FAR1: variants seen among roughly 807,000 people sequenced by gnomAD.
FAR1 encodes the protein male sterility domain-containing protein 2.
A neutral mutation model predicts 61.1 loss-of-function variants in FAR1; 22 were observed. The observed-to-expected ratio is 0.36, with a 90% CI of 0.26 to 0.51. The LOEUF is 0.51. Among genes scored for constraint, FAR1 ranks in the 20% least tolerant of loss-of-function variants. The pLI is 0.95. For synonymous variants in FAR1, 206 were observed against 209.7 expected, an observed-to-expected ratio of 0.98 and a Z score of 0.15; for missense variants, 359 against 626.9, an observed-to-expected ratio of 0.57 and a Z score of 4.56.
intron 1 of FAR1, among the ~76,000 whole-genome samples, chr11:13,671,144 C>T (rs1259139703): frequency 1.3e-5 from 2 of 152,116 alleles, no homozygotes; most frequent in Non-Finnish European, 2.9e-5. Flanking sequence ...AGGCGACTTG[C>T]AGTAGAGAAG....
chr11:13,669,589 T>G (rs1331905440), intron 1 of FAR1: 2 of 152,230 alleles, frequency 1.3e-5, no homozygotes, highest in African/African-American at 4.8e-5. Flanking sequence ...TATGAGTAGT[T>G]GAGCAAGAAC....
chr11:13,708,447 G>GCGCACGCA (rs139902063), intron 4 of FAR1, among the ~76,000 whole-genome samples: 4 of 136,700 alleles, frequency 2.9e-5, no homozygotes, highest in Non-Finnish European at 4.7e-5. Flanking sequence ...GCGCGCGCGC[G>GCGCACGCA]CACACACACA....
At position 13,727,546 on chromosome 11, in the gene FAR1, G is replaced by T; in HGVS notation, c.1258-10G>T. The T allele has an allele frequency of 1.3e-6, 2 of 1,570,182 alleles. No individual in the cohort carries two copies. Among genetic ancestry groups the T allele is most frequent in the African/African-American group, 1.4e-5 (1 of 72,136 alleles). ...CAAGAAAATAATCAGTAATTTTTTT[G>T]TTAACGTAGACCTTCAATATTGATG... is the stretch of plus-strand genomic sequence containing the variant. On this transcript the variant is annotated splice_polypyrimidine_tract_variant and intron_variant, in intron 10 of 11. Coordinates refer to ENST00000354817, the MANE Select transcript of FAR1 (RefSeq NM_032228.6).
At chr11:13,724,147 C>A (rs748792056) in intron 10 of FAR1, among the ~76,000 whole-genome samples, 1 of 152,134 alleles carries the variant, frequency 6.6e-6, no homozygotes, top group African/African-American at 2.4e-5. Flanking sequence ...TTTGCCTTTG[C>A]TTCTACCAGT....
intron 3 of FAR1, among the ~76,000 whole-genome samples, chr11:13,703,762 G>A (rs1405230863): frequency 2.0e-5 from 3 of 152,124 alleles, no homozygotes; most frequent in African/African-American, 7.2e-5. Flanking sequence ...GTGTGGGGAG[G>A]GCTGGGCGTG....
chr11:13,681,184 G>A (rs183982161), intron 1 of FAR1, among the ~76,000 whole-genome samples: 37 of 152,284 alleles, frequency 2.4e-4, no homozygotes, highest in Admixed American at 2.2e-3. Flanking sequence ...TGGGTAGACA[G>A]AATATTTCAA....
At chr11:13,690,627 A>G (rs1161004136) in intron 1 of FAR1, among the ~76,000 whole-genome samples, 2 of 152,222 alleles carry the variant, frequency 1.3e-5, no homozygotes, top group African/African-American at 4.8e-5. Context: ...CCAATACCAC[A>G]TTCCTGTAGC....
chr11:13,681,503 T>C (rs1276061414), intron 1 of FAR1, among the ~76,000 whole-genome samples: 1 of 152,208 alleles, frequency 6.6e-6, no homozygotes, highest in African/African-American at 2.4e-5. Flanking sequence ...TTGTAGCCAA[T>C]AGAATGTGGC....
At chr11:13,723,860 T>A (rs1207367526) in intron 10 of FAR1, among the ~76,000 whole-genome samples, 3 of 152,184 alleles carry the variant, frequency 2.0e-5, no homozygotes, top group Non-Finnish European at 4.4e-5. Context: ...TTTTAGAAAG[T>A]ATAATTTTTC....
intron 1 of FAR1, among the ~76,000 whole-genome samples, chr11:13,685,809 G>A (rs1848179453): frequency 6.6e-6 from 1 of 152,102 alleles, no homozygotes; most frequent in Non-Finnish European, 1.5e-5. Context: ...TCAGCAAGAG[G>A]TTGTCTTATT....
intron 1 of FAR1, among the ~76,000 whole-genome samples, chr11:13,689,339 A>C (rs1848222916): frequency 6.6e-6 from 1 of 152,140 alleles, no homozygotes; most frequent in East Asian, 1.9e-4. Flanking sequence ...CTTCCCTGCA[A>C]GACTTTTGGC....
chr11:13,700,456 A>G lies in FAR1; in HGVS notation c.329A>G (p.His110Arg). 1 of 1,573,278 alleles carries G rather than the reference A, an allele frequency of 6.4e-7. No homozygotes were observed. Among genetic ancestry groups the G allele is most frequent in the Non-Finnish European group, 8.6e-7 (1 of 1,165,088 alleles). Residue 110 changes from histidine (H) to arginine (R), a missense_variant, in exon 3 of 12, where the codon CAC becomes CGC. Around this residue, in one of 2 missense-constraint regions of FAR1, gnomAD observed 344 missense variants for 570.3 expected, o/e 0.60. Transcript: ENST00000354817. ...VIIDSTNIIF[H>R]CAATVRFNEN... ...ATAGATTCTACCAATATTATATTCC[A>G]CTGTGCAGCTACAGTAAGGTTTAAT...
At chr11:13,722,420 C>T (rs1345044058) in intron 10 of FAR1, among the ~76,000 whole-genome samples, 1 of 151,912 alleles carries the variant, frequency 6.6e-6, no homozygotes, top group East Asian at 1.9e-4. Context: ...ATTACCACTC[C>T]CACTCACTTA....
At chr11:13,717,186 C>G (rs1030318587) in intron 9 of FAR1, among the ~76,000 whole-genome samples, 1 of 151,736 alleles carries the variant, frequency 6.6e-6, no homozygotes, top group East Asian at 2.0e-4. Context: ...CGCCCCAGAT[C>G]CCTGTGGCAT....
intron 10 of FAR1, 90 bp from the exon 11 acceptor site, chr11:13,727,466 G>C: frequency 8.7e-7 from 1 of 1,146,268 alleles, no homozygotes; most frequent in Admixed American, 2.5e-5. Flanking sequence ...TATGTCACTT[G>C]GAACTGGCCT....
intron 1 of FAR1, among the ~76,000 whole-genome samples, chr11:13,672,254 G>T (rs1408993715): frequency 6.6e-6 from 1 of 152,056 alleles, no homozygotes; most frequent in Non-Finnish European, 1.5e-5. Flanking sequence ...TTAATCTTTG[G>T]CTGGAAGATC....
At position 13,721,952 on chromosome 11, in the gene FAR1, A is replaced by AT. The variant is rs1848613929; in HGVS notation, c.1257+94dup. On this transcript the variant is annotated intron_variant, in intron 10 of 11. Transcript: ENST00000354817. The surrounding 1 kb of genome is among the most constrained non-coding windows in gnomAD (Gnocchi z 4.2). ...CTGAGAAATATTTTCCACAGCTATTATGCAACAAGTAAGCCATTATTTATA... is the reference window on the plus strand; with the variant it reads ...CTGAGAAATATTTTCCACAGCTATTATTGCAACAAGTAAGCCATTATTTATA... 5.9e-6 allele frequency: 6 copies of AT among 1,024,150 alleles called. No homozygotes were observed. In the South Asian group the frequency reaches 1.1e-4, roughly 18 times the overall value. 63.4% of individuals were successfully genotyped at this position (1,024,150 alleles called of 1,614,324 possible). A position where few individuals can be genotyped will look rare whatever the true frequency, so the allele number is the denominator to read the frequency against.
In FAR1 at chr11:13,692,782, T is replaced by A. The variant is rs570493278; in HGVS notation, c.-7-1977T>A. Among the ~76,000 whole-genome samples the A allele has an allele frequency of 2.0e-4, 30 of 152,308 alleles. No homozygotes were observed. The South Asian group carries it at 6.2e-3, about 32-fold the overall frequency. ...AAATGCTTTCATATTATTTGTTTCC[T>A]TTTTTAGTAATTATATTATGGATGC... On this transcript the variant is annotated intron_variant, in intron 1 of 11. Coordinates refer to ENST00000354817, the MANE Select transcript of FAR1 (RefSeq NM_032228.6).
At chr11:13,677,864 C>T (rs928950005) in intron 1 of FAR1, among the ~76,000 whole-genome samples, 13 of 152,168 alleles carry the variant, frequency 8.5e-5, no homozygotes, top group African/African-American at 2.2e-4. Flanking sequence ...AAAGTCTAGA[C>T]TAATTAGAAA....
Sources: allele counts gnomAD v4.1 joint callset (sites outside exome capture counted in the v4.1 genomes callset), GRCh38; gene constraint gnomAD v4.1.1; regional missense constraint gnomAD v4.1.1; non-coding constraint Gnocchi (gnomAD v3.1); transcripts MANE v1.5; gene names NCBI Gene and HGNC (gene_info 2026-07-23, HGNC 2026-07-21).